Variants in PRKCE observed in about 807,000 individuals in gnomAD.
The protein encoded by PRKCE is protein kinase C epsilon type.
A neutral mutation model predicts 85.4 loss-of-function variants in PRKCE; 16 were observed. The observed-to-expected ratio is 0.19, with a 90% CI of 0.13 to 0.28. The LOEUF is 0.28. PRKCE is among the 10% of genes least tolerant of loss of function. PRKCE has a pLI of 1.00. For missense variants in PRKCE, 573 were observed against 975.2 expected (o/e 0.59, Z 5.49); for synonymous variants, 388 against 371.5 (o/e 1.04, Z -0.51).
At chr2:45,795,679 A>G (rs573082288) in intron 1 of PRKCE, among the ~76,000 whole-genome samples, 1 of 152,302 alleles carries the variant, frequency 6.6e-6, no homozygotes, top group East Asian at 1.9e-4. Context: ...CCTGAAGGTC[A>G]TAGTCAGCTT....
chr2:45,747,601 T>C (rs1683238555), intron 1 of PRKCE, among the ~76,000 whole-genome samples: 1 of 152,244 alleles, frequency 6.6e-6, no homozygotes, highest in Admixed American at 6.5e-5. Flanking sequence ...GTGGTTTTTC[T>C]AATCCATTGA....
intron 1 of PRKCE, among the ~76,000 whole-genome samples, chr2:45,805,599 T>TTC (rs1553416377): frequency 6.6e-6 from 1 of 151,402 alleles, no homozygotes; most frequent in Middle Eastern, 3.4e-3. Flanking sequence ...CCTTCCTCTT[T>TTC]TTTTTTTTTT....
chr2:46,035,977 G>A (rs1216355943), intron 10 of PRKCE, among the ~76,000 whole-genome samples: 4 of 152,180 alleles, frequency 2.6e-5, no homozygotes, highest in East Asian at 1.9e-4. Context: ...GCAAAGCAGG[G>A]GAAGGTGGAA....
chr2:45,887,650 G>A (rs1369383371), intron 2 of PRKCE, among the ~76,000 whole-genome samples: 1 of 151,882 alleles, frequency 6.6e-6, no homozygotes, highest in Non-Finnish European at 1.5e-5. Flanking sequence ...GACTTTTATG[G>A]TTCTAGAACC....
chr2:46,049,818 G>A (rs1350059819), intron 10 of PRKCE, among the ~76,000 whole-genome samples: 2 of 152,074 alleles, frequency 1.3e-5, no homozygotes, highest in African/African-American at 2.4e-5. Flanking sequence ...ACACCATTTT[G>A]TGTTCTGCAG....
In PRKCE at chr2:46,138,025, C is replaced by A. The variant is rs1245461152; in HGVS notation, c.1593-7068C>A. On this transcript the variant is annotated intron_variant, in intron 11 of 14. Transcript: ENST00000306156. The surrounding 1 kb of genome is among the most constrained non-coding windows in gnomAD (Gnocchi z 4.2). ...CTTAGAAGTCAAACTTTTTGTTTTT[C>A]CCCTGAGACTATTACTGCTAGGACT... Among the ~76,000 whole-genome samples, 1 of 152,100 alleles carries A rather than the reference C, an allele frequency of 6.6e-6. No homozygotes were observed. Among genetic ancestry groups the A allele is most frequent in the Non-Finnish European group, 1.5e-5 (1 of 67,994 alleles).
intron 10 of PRKCE, among the ~76,000 whole-genome samples, chr2:46,063,444 T>A (rs1384465154): frequency 6.6e-6 from 1 of 152,234 alleles, no homozygotes; most frequent in Non-Finnish European, 1.5e-5. Context: ...TGTTTTTGTT[T>A]TATTTATAAA....
intron 10 of PRKCE, among the ~76,000 whole-genome samples, chr2:46,040,312 A>G (rs781436610): frequency 6.6e-6 from 1 of 152,214 alleles, no homozygotes; most frequent in African/African-American, 2.4e-5. Flanking sequence ...AGTGGAAAGC[A>G]GGAATTGTGA....
At chr2:45,668,256 G>A (rs150202248) in intron 1 of PRKCE, among the ~76,000 whole-genome samples, 3,089 of 152,262 alleles carry the variant, frequency 0.02, 97 homozygotes, top group African/African-American at 0.071. Flanking sequence ...CAGGAGAATC[G>A]CTTGAACCTG....
At chr2:45,915,133 C>G in intron 2 of PRKCE, among the ~76,000 whole-genome samples, 1 of 152,194 alleles carries the variant, frequency 6.6e-6, no homozygotes, top group Non-Finnish European at 1.5e-5. Context: ...AGGTGATCTG[C>G]CCACCTTGGC....
chr2:45,889,258 T>C (rs1026723574), intron 2 of PRKCE, among the ~76,000 whole-genome samples: 1 of 152,042 alleles, frequency 6.6e-6, no homozygotes, highest in Admixed American at 6.5e-5. Context: ...GTGAAATGTA[T>C]GGAGGGCGGG....
At chr2:46,061,282 G>GTATTCTT (rs1270669212) in intron 10 of PRKCE, among the ~76,000 whole-genome samples, 2 of 151,486 alleles carry the variant, frequency 1.3e-5, no homozygotes, top group East Asian at 3.9e-4. Flanking sequence ...GCTAATTTTT[G>GTATTCTT]TATTCTTTAT....
At chr2:46,078,953 T>C (rs3738896) in intron 10 of PRKCE, 69,482 of 152,018 alleles carry the variant, frequency 0.46, 17,962 homozygotes, top group Non-Finnish European at 0.56. Flanking sequence ...CCGAAGCAAG[T>C]GGATCACGAG....
At chr2:45,666,976 G>C (rs958739787) in intron 1 of PRKCE, among the ~76,000 whole-genome samples, 1 of 152,140 alleles carries the variant, frequency 6.6e-6, no homozygotes, top group Non-Finnish European at 1.5e-5. Context: ...AAGTAGCTGG[G>C]ATTATAGGCA....
intron 1 of PRKCE, among the ~76,000 whole-genome samples, chr2:45,779,171 T>C (rs1414322852): frequency 6.6e-6 from 1 of 152,016 alleles, no homozygotes; most frequent in African/African-American, 2.4e-5. Flanking sequence ...ACTACCTAGG[T>C]AGTATGGGGA....
At chr2:45,904,155 C>T (rs1696796656) in intron 2 of PRKCE, among the ~76,000 whole-genome samples, 1 of 152,052 alleles carries the variant, frequency 6.6e-6, no homozygotes, top group African/African-American at 2.4e-5. Flanking sequence ...CTGCCCTCCT[C>T]GGCCTCCCAA....
chr2:45,841,315 A>G (rs909693254), intron 1 of PRKCE, among the ~76,000 whole-genome samples: 2 of 152,232 alleles, frequency 1.3e-5, no homozygotes, highest in Non-Finnish European at 2.9e-5. Context: ...GAAAACCTGA[A>G]AAGTAGGAAA....
chr2:45,990,159 C>A (rs891939720), intron 6 of PRKCE, among the ~76,000 whole-genome samples: 4 of 152,166 alleles, frequency 2.6e-5, no homozygotes, highest in African/African-American at 7.2e-5. Context: ...TTCAGTCAAG[C>A]TGAGAGCTGG....
intron 1 of PRKCE, among the ~76,000 whole-genome samples, chr2:45,679,221 G>A (rs1676702809): frequency 6.6e-6 from 1 of 152,140 alleles, no homozygotes; most frequent in Admixed American, 6.5e-5. Context: ...GGACTTCCAT[G>A]CATAGTACTT....
Sources: allele counts gnomAD v4.1 joint callset (sites outside exome capture counted in the v4.1 genomes callset), GRCh38; gene constraint gnomAD v4.1.1; non-coding constraint Gnocchi (gnomAD v3.1); transcripts MANE v1.5; gene names NCBI Gene and HGNC (gene_info 2026-07-23, HGNC 2026-07-21).